Variants in CTNNA3 observed in about 807,000 individuals in gnomAD.
The protein encoded by CTNNA3 is catenin alpha 3, also known as catenin alpha-3.
CTNNA3 carries 76 observed loss-of-function variants against 95.7 expected under a neutral mutation model. The observed-to-expected ratio is 0.79, with a 90% CI of 0.66 to 0.96. CTNNA3 has a LOEUF of 0.96. Ranked by LOEUF, CTNNA3 falls within the 40% of genes least tolerant of loss-of-function variation. The probability of loss-of-function intolerance (pLI) is 0.00; values close to 1 mark genes in which losing one functional copy is unlikely to be tolerated. For synonymous variants in CTNNA3, 431 were observed against 374.4 expected (o/e 1.15, Z -1.74); for missense variants, 1,191 against 1,089.8 (o/e 1.09, Z -1.31).
chr10:66,450,771 A>G (rs2093458364), intron 11 of CTNNA3, among the ~76,000 whole-genome samples: 1 of 152,106 alleles, frequency 6.6e-6, no homozygotes, highest in Non-Finnish European at 1.5e-5. Context: ...ACTTTGCTCC[A>G]ACTTATTATT....
At chr10:66,908,516 C>T (rs1035789414) in intron 7 of CTNNA3, among the ~76,000 whole-genome samples, 1 of 151,936 alleles carries the variant, frequency 6.6e-6, no homozygotes, top group Non-Finnish European at 1.5e-5. Context: ...TTTCATCGTC[C>T]AATATGTTAT....
At chr10:66,142,598 C>A (rs896160310) in intron 13 of CTNNA3, among the ~76,000 whole-genome samples, 1 of 112,418 alleles carries the variant, frequency 8.9e-6, no homozygotes, top group Non-Finnish European at 2.0e-5. Flanking sequence ...AATAATAGAG[C>A]CAGTTTTGAA....
intron 13 of CTNNA3, among the ~76,000 whole-genome samples, chr10:66,171,041 G>A (rs549380184): frequency 1.3e-5 from 2 of 152,064 alleles, no homozygotes; most frequent in South Asian, 2.1e-4. Context: ...GACAAGGCAC[G>A]AGAATCACTT....
intron 1 of CTNNA3, among the ~76,000 whole-genome samples, chr10:67,664,968 T>A (rs112276984): frequency 6.6e-6 from 1 of 152,222 alleles, no homozygotes. Flanking sequence ...TAACTTTTAA[T>A]TAAAAGCAAT....
At chr10:66,471,163 T>C (rs1044444683) in intron 11 of CTNNA3, among the ~76,000 whole-genome samples, 1 of 151,864 alleles carries the variant, frequency 6.6e-6, no homozygotes, top group Non-Finnish European at 1.5e-5. Flanking sequence ...AAAAGTAGCA[T>C]TTTTTGTAAT....
At chr10:66,279,642 T>C (rs191846144) in intron 13 of CTNNA3, among the ~76,000 whole-genome samples, 1 of 152,096 alleles carries the variant, frequency 6.6e-6, no homozygotes, top group Non-Finnish European at 1.5e-5. Flanking sequence ...CAAGCCCCAG[T>C]TGCCTGCAGT....
intron 17 of CTNNA3, among the ~76,000 whole-genome samples, chr10:65,964,601 A>T (rs996252001): frequency 6.6e-6 from 1 of 152,306 alleles, no homozygotes; most frequent in Middle Eastern, 3.4e-3. Flanking sequence ...AGCTATGCAG[A>T]GGCTGAACTT....
At chr10:66,516,116 T>A (rs1348137737) in intron 11 of CTNNA3, among the ~76,000 whole-genome samples, 1 of 150,426 alleles carries the variant, frequency 6.6e-6, no homozygotes, top group African/African-American at 2.4e-5. Flanking sequence ...ATTTTGGACC[T>A]ACAGCATCTA....
At chr10:67,422,448 G>C (rs1168114291) in intron 5 of CTNNA3, among the ~76,000 whole-genome samples, 1 of 152,112 alleles carries the variant, frequency 6.6e-6, no homozygotes, top group Admixed American at 6.5e-5. Flanking sequence ...GGGTAAACAA[G>C]AGCTTCTTGT....
At chr10:67,451,802 ATAGGAAAT>A (rs1846994129) in intron 5 of CTNNA3, among the ~76,000 whole-genome samples, 1 of 152,208 alleles carries the variant, frequency 6.6e-6, no homozygotes, top group African/African-American at 2.4e-5. Context: ...TAAGAAAACC[ATAGGAAAT>A]CTCTATTTTC....
chr10:67,720,760 C>G (rs1841175459), intron 1 of CTNNA3, among the ~76,000 whole-genome samples: 1 of 152,130 alleles, frequency 6.6e-6, no homozygotes, highest in Non-Finnish European at 1.5e-5. Flanking sequence ...TCAAGACCAG[C>G]CTCAACAACA....
intron 5 of CTNNA3, among the ~76,000 whole-genome samples, chr10:67,366,217 G>A (rs1843210059): frequency 6.6e-6 from 1 of 152,090 alleles, no homozygotes; most frequent in Admixed American, 6.5e-5. Context: ...GGGGGTTGGG[G>A]GGCTGAGGGA....
At chr10:66,940,266 G>A (rs902336515) in intron 7 of CTNNA3, among the ~76,000 whole-genome samples, 1 of 152,128 alleles carries the variant, frequency 6.6e-6, no homozygotes, top group African/African-American at 2.4e-5. Flanking sequence ...TTGGGAGGCC[G>A]AGGCAAGGAG....
At chr10:66,015,373 T>C (rs1311402678) in intron 15 of CTNNA3, among the ~76,000 whole-genome samples, 3 of 152,144 alleles carry the variant, frequency 2.0e-5, no homozygotes, top group East Asian at 3.9e-4. Context: ...CCACATGACC[T>C]AGGAGTGACA....
At chr10:66,675,577 C>T (rs1007098200) in intron 9 of CTNNA3, among the ~76,000 whole-genome samples, 11 of 152,090 alleles carry the variant, frequency 7.2e-5, no homozygotes, top group African/African-American at 2.7e-4. Flanking sequence ...AAATTACTTG[C>T]AATCTGAATT....
At chr10:67,252,218 CAAAAAAAAAA>C (rs34502404) in intron 5 of CTNNA3, among the ~76,000 whole-genome samples, 1 of 87,254 alleles carries the variant, frequency 1.1e-5, no homozygotes, top group Non-Finnish European at 2.7e-5. Context: ...AACACTGTCT[CAAAAAAAAAA>C]AAAAAAAAGA....
intron 7 of CTNNA3, among the ~76,000 whole-genome samples, chr10:66,793,478 AT>A (rs371944706): frequency 1.6e-4 from 24 of 148,642 alleles, no homozygotes; most frequent in Non-Finnish European, 2.2e-4. Flanking sequence ...GGCTTCCAAT[AT>A]TTTTTTTTTG....
At chr10:66,509,625 CATTTTTTTCA>C (rs1046560342) in intron 11 of CTNNA3, among the ~76,000 whole-genome samples, 1 of 151,768 alleles carries the variant, frequency 6.6e-6, no homozygotes, top group African/African-American at 2.4e-5. Flanking sequence ...AAGAGGGTGT[CATTTTTTTCA>C]ATGTATATTC....
intron 1 of CTNNA3, among the ~76,000 whole-genome samples, chr10:67,680,188 G>A (rs1248041865): frequency 6.6e-6 from 1 of 152,182 alleles, no homozygotes; most frequent in East Asian, 1.9e-4. Context: ...TTCATCCTGT[G>A]CCAAGTGTTT....
Sources: gnomAD v4.1 joint callset for allele counts (sites outside exome capture counted in the v4.1 genomes callset) on GRCh38, gnomAD v4.1.1 for gene constraint, MANE v1.5 for transcripts, NCBI Gene and HGNC (gene_info 2026-07-23, HGNC 2026-07-21) for gene names.